Variants in RNLS observed in about 807,000 individuals in gnomAD.
RNLS encodes renalase.
Under a neutral mutation model 39.8 loss-of-function variants are expected in RNLS, and 39 were observed. The ratio of observed to expected loss-of-function variants is 0.98; its 90% confidence interval spans 0.76 to 1.28. The LOEUF (loss-of-function observed/expected upper bound fraction) is 1.28. RNLS is among the 50% of genes most tolerant of loss of function. RNLS has a pLI of 0.00. For synonymous variants in RNLS, 147 were observed against 150.7 expected, an observed-to-expected ratio of 0.98 and a Z score of 0.18; for missense variants, 410 against 413.3, an observed-to-expected ratio of 0.99 and a Z score of 0.07.
At chr10:88,200,356 C>T in the RNLS span, among the ~76,000 whole-genome samples, 1 of 152,176 alleles carries the variant, frequency 6.6e-6, no homozygotes, top group Non-Finnish European at 1.5e-5. Flanking sequence ...TCCTTTAACC[C>T]TTTAACCAGC....
chr10:88,285,625 C>A, intron 6 of RNLS, 119 bp from the exon 7 acceptor site: 2 of 840,640 alleles, frequency 2.4e-6, no homozygotes, highest in Admixed American at 2.7e-5. Context: ...ACAAGAAGCA[C>A]CAAACAAACA....
chr10:88,455,236 T>C (rs10509549), intron 4 of RNLS, among the ~76,000 whole-genome samples: 27,371 of 150,286 alleles, frequency 0.18, 2,966 homozygotes, highest in Non-Finnish European at 0.26. Context: ...TGCAGGTTGA[T>C]TGGAATGATG....
At chr10:88,272,717 G>A (rs532261838), downstream of RNLS, among the ~76,000 whole-genome samples, 9 of 152,232 alleles carry the variant, frequency 5.9e-5, no homozygotes, top group East Asian at 1.5e-3. Flanking sequence ...AACCCCAGCC[G>A]TGCCTCCCTT....
At chr10:88,297,964 T>A (rs957936067) in intron 6 of RNLS, among the ~76,000 whole-genome samples, 3 of 152,182 alleles carry the variant, frequency 2.0e-5, no homozygotes, top group African/African-American at 7.2e-5. Flanking sequence ...GTACAAGTGT[T>A]CCATTTCTTC....
intron 5 of RNLS, among the ~76,000 whole-genome samples, chr10:88,351,929 A>C (rs1848747602): frequency 1.3e-5 from 2 of 152,162 alleles, no homozygotes; most frequent in African/African-American, 4.8e-5. Flanking sequence ...CATCCCTTGT[A>C]AGTTGGCTTC....
chr10:88,402,047 G>A (rs1006181590), intron 4 of RNLS, among the ~76,000 whole-genome samples: 3 of 151,814 alleles, frequency 2.0e-5, no homozygotes, highest in African/African-American at 7.3e-5. Flanking sequence ...GAAAAGAGAG[G>A]GTCTAGTTAA....
intron 4 of RNLS, among the ~76,000 whole-genome samples, chr10:88,372,792 T>C (rs1172818865): frequency 6.6e-6 from 1 of 152,168 alleles, no homozygotes; most frequent in Non-Finnish European, 1.5e-5. Context: ...TTGGGAATCT[T>C]CTCTTCACGT....
rs373143820 is a variant in RNLS, at chr10:88,559,333, TTAGA to T, written c.526+13566_526+13569del. 6.5e-3 allele frequency among the ~76,000 whole-genome samples: 985 copies of T among 152,304 alleles called. 10 individuals are homozygous for T. The highest frequency in any genetic ancestry group is 0.048 in the Middle Eastern group (14 of 294). On this transcript the variant is annotated intron_variant, in intron 4 of 6. Transcript: ENST00000331772. ...GAGTGTTTTCTTTCTTCCAATCTAA[TTAGA>T]TAAAGTTATTTACCACCTCAATGTA...
intron 4 of RNLS, among the ~76,000 whole-genome samples, chr10:88,535,781 C>G (rs2134260128): frequency 6.6e-6 from 1 of 152,078 alleles, no homozygotes; most frequent in South Asian, 2.1e-4. Flanking sequence ...CTCAGTAACT[C>G]AAGTCAAGAG....
the RNLS span, among the ~76,000 whole-genome samples, chr10:88,224,635 G>A: frequency 1.3e-5 from 2 of 152,110 alleles, no homozygotes; most frequent in Non-Finnish European, 2.9e-5. Context: ...AAGGAGCTTC[G>A]ATTGGTATTA....
intron 4 of RNLS, among the ~76,000 whole-genome samples, chr10:88,391,443 A>C (rs1852193391): frequency 6.6e-6 from 1 of 152,158 alleles, no homozygotes; most frequent in African/African-American, 2.4e-5. Context: ...CTGTAGTCCC[A>C]GCTACTTGGG....
intron 4 of RNLS, among the ~76,000 whole-genome samples, chr10:88,443,026 C>T (rs1841818721): frequency 6.6e-6 from 1 of 152,156 alleles, no homozygotes. Context: ...TTAGAAACTT[C>T]AGTCTCATTT....
the RNLS span, among the ~76,000 whole-genome samples, chr10:88,244,978 A>T: frequency 6.6e-6 from 1 of 152,216 alleles, no homozygotes; most frequent in Non-Finnish European, 1.5e-5. Flanking sequence ...GTGGTTTGCC[A>T]CAGTGTCCTC....
chr10:88,201,706 AG>A, the RNLS span, among the ~76,000 whole-genome samples: 2 of 143,222 alleles, frequency 1.4e-5, no homozygotes, highest in Non-Finnish European at 3.1e-5. Context: ...AAAAAAAAAA[AG>A]GTTGCTCTAA....
chr10:88,299,083 C>T (rs541850709), intron 6 of RNLS, among the ~76,000 whole-genome samples: 1 of 152,142 alleles, frequency 6.6e-6, no homozygotes, highest in South Asian at 2.1e-4. Flanking sequence ...GTCTTTTGCC[C>T]ATTTTTTAGA....
At chr10:88,366,342 G>T (rs1472268785) in intron 4 of RNLS, among the ~76,000 whole-genome samples, 2 of 152,084 alleles carry the variant, frequency 1.3e-5, no homozygotes, top group East Asian at 3.9e-4. Context: ...GAAGATACAG[G>T]GGTGCAAGAG....
Position 88,379,927 on chromosome 10 carries a change from C to T in RNLS, c.527-17202G>A, listed in dbSNP as rs370295324. ...ATGGCTCCTGAAGGTATCAGCCCCC[C>T]GCTGTCCAGTCACCTCCCAGCTTTT... On this transcript the variant is annotated intron_variant, in intron 4 of 6. Coordinates refer to ENST00000331772, the MANE Select transcript of RNLS (RefSeq NM_001031709.3). Among the ~76,000 whole-genome samples, 189 of 152,252 alleles carry T rather than the reference C, an allele frequency of 1.2e-3. 3 individuals are homozygous for T. The South Asian group carries it at 0.037, about 29-fold the overall frequency.
intron 4 of RNLS, among the ~76,000 whole-genome samples, chr10:88,416,844 T>C (rs538450938): frequency 1.3e-5 from 2 of 152,344 alleles, no homozygotes; most frequent in Non-Finnish European, 2.9e-5. Flanking sequence ...ACTGACTGAA[T>C]TCTTGGAAAC....
chr10:88,418,189 T>C (rs1308237882), intron 4 of RNLS, among the ~76,000 whole-genome samples: 1 of 152,084 alleles, frequency 6.6e-6, no homozygotes. Flanking sequence ...TGCATGCCTA[T>C]ATGTGCTAAA....
Sources: allele counts gnomAD v4.1 joint callset (sites outside exome capture counted in the v4.1 genomes callset), GRCh38; gene constraint gnomAD v4.1.1; transcripts MANE v1.5; gene names NCBI Gene and HGNC (gene_info 2026-07-23, HGNC 2026-07-21).